CHRNA5: variants seen among roughly 807,000 people sequenced by gnomAD.
CHRNA5 encodes cholinergic receptor nicotinic alpha 5 subunit, also known as neuronal acetylcholine receptor subunit alpha-5.
CHRNA5 carries 28 observed loss-of-function variants against 41.2 expected under a neutral mutation model. That is an observed-to-expected ratio of 0.68 (90% confidence interval 0.50 to 0.93). CHRNA5 has a LOEUF of 0.93. CHRNA5 is among the 40% of genes least tolerant of loss of function. The probability of loss-of-function intolerance (pLI) is 0.00; values close to 1 mark genes in which losing one functional copy is unlikely to be tolerated. For synonymous variants in CHRNA5, 188 were observed against 205.8 expected (o/e 0.91, Z 0.74); for missense variants, 481 against 581.9 (o/e 0.83, Z 1.78).
intron 2 of CHRNA5, among the ~76,000 whole-genome samples, chr15:78,582,187 T>TG (rs1282739757): frequency 6.6e-6 from 1 of 151,948 alleles, no homozygotes; most frequent in Non-Finnish European, 1.5e-5. Context: ...AATAGGAAAG[T>TG]GGAAAAGTAA....
chr15:78,578,947 G>A (rs937628691), intron 1 of CHRNA5, among the ~76,000 whole-genome samples: 4 of 152,058 alleles, frequency 2.6e-5, no homozygotes, highest in South Asian at 2.1e-4. Flanking sequence ...CTTCAGAGAT[G>A]CTTATTTGAG....
At chr15:78,570,424 ATTTTTTTTTTT>A (rs71148540) in intron 1 of CHRNA5, among the ~76,000 whole-genome samples, 1 of 64,184 alleles carries the variant, frequency 1.6e-5, no homozygotes, top group African/African-American at 6.7e-5. Context: ...AATCCCGGCT[ATTTTTTTTTTT>A]TTTTTTTTTT....
chr15:78,585,907 C>G (rs1233849392), intron 2 of CHRNA5, among the ~76,000 whole-genome samples: 1 of 150,702 alleles, frequency 6.6e-6, no homozygotes, highest in Non-Finnish European at 1.5e-5. Flanking sequence ...GCCTCCGCCT[C>G]CTGAATAGCT....
intron 1 of CHRNA5, among the ~76,000 whole-genome samples, chr15:78,575,604 A>G (rs1049377501): frequency 3.3e-5 from 5 of 151,850 alleles, no homozygotes; most frequent in African/African-American, 1.2e-4. Flanking sequence ...GCAAAGTTCC[A>G]TTGCCTGGGA....
At chr15:78,575,983 G>A (rs1204876102) in intron 1 of CHRNA5, among the ~76,000 whole-genome samples, 2 of 152,062 alleles carry the variant, frequency 1.3e-5, no homozygotes, top group African/African-American at 4.8e-5. Flanking sequence ...TTAAAAATTG[G>A]ATTATTGAAT....
chr15:78,583,984 T>C (rs570677167), intron 2 of CHRNA5, among the ~76,000 whole-genome samples: 1 of 152,296 alleles, frequency 6.6e-6, no homozygotes, highest in South Asian at 2.1e-4. Flanking sequence ...AGCAGGAACC[T>C]GATCCTTGAG....
chr15:78,572,148 T>G (rs1461341337), intron 1 of CHRNA5, among the ~76,000 whole-genome samples: 1 of 152,198 alleles, frequency 6.6e-6, no homozygotes, highest in Non-Finnish European at 1.5e-5. Context: ...TATTTCCTTC[T>G]TATGGCAGCC....
intron 1 of CHRNA5, among the ~76,000 whole-genome samples, chr15:78,567,634 A>G (rs1183759259): frequency 2.0e-5 from 3 of 152,066 alleles, no homozygotes; most frequent in Non-Finnish European, 2.9e-5. Flanking sequence ...AAGAACTGTG[A>G]TTCTTGTTTA....
At chr15:78,575,307 T>C (rs953941106) in intron 1 of CHRNA5, among the ~76,000 whole-genome samples, 2 of 152,226 alleles carry the variant, frequency 1.3e-5, no homozygotes, top group Non-Finnish European at 2.9e-5. Flanking sequence ...ATTTATACCT[T>C]TGTTAGGTAT....
exon 6 of CHRNA5, chr15:78,593,507 T>C (rs2053045897): frequency 3.8e-6 from 1 of 266,162 alleles, no homozygotes; most frequent in Non-Finnish European, 7.0e-6. Context: ...AAAAATCTAG[T>C]ATTTGTATCC....
exon 6 of CHRNA5, chr15:78,594,135 G>C (rs1459679892): frequency 1.3e-5 from 2 of 152,146 alleles, no homozygotes; most frequent in Non-Finnish European, 2.9e-5. Flanking sequence ...ACTCCTTTAA[G>C]GCTTACTTTA....
intron 1 of CHRNA5, among the ~76,000 whole-genome samples, chr15:78,580,451 G>A (rs1055760904): frequency 6.7e-6 from 1 of 149,760 alleles, no homozygotes; most frequent in African/African-American, 2.5e-5. Context: ...AAACTATTCT[G>A]TATTGAGTAC....
exon 5 of CHRNA5, chr15:78,590,053 T>A (rs1567062553): frequency 6.2e-7 from 1 of 1,614,224 alleles, no homozygotes; most frequent in Admixed American, 1.7e-5. Flanking sequence ...TGGGAGATTG[T>A]GAGTGCAACA....
intron 1 of CHRNA5, among the ~76,000 whole-genome samples, chr15:78,567,383 C>T (rs916739877): frequency 2.0e-5 from 3 of 152,104 alleles, no homozygotes; most frequent in African/African-American, 7.2e-5. Context: ...AATGGTAGTT[C>T]TCTACCCCTT....
In CHRNA5 at chr15:78,588,467, C is replaced by G; in HGVS notation, c.413+44C>G. ...ATAGTTTTATATTTTCAAAAGAAAA[C>G]ATTTGTATTTCTATTAGGCACTAAT... On this transcript the variant is annotated intron_variant, in intron 4 of 5. Coordinates refer to ENST00000299565, the Ensembl canonical transcript of CHRNA5. The surrounding 1 kb of genome is among the most constrained non-coding windows in gnomAD (Gnocchi z 4.1). 3 of 974,900 alleles carry G rather than the reference C, an allele frequency of 3.1e-6. No homozygotes were observed. The highest frequency in any genetic ancestry group is 4.4e-6 in the Non-Finnish European group (3 of 684,572). 60.4% of individuals were successfully genotyped at this position (974,900 alleles called of 1,614,324 possible).
chr15:78,591,184 A>C (rs942270401), intron 5 of CHRNA5: 1 of 152,736 alleles, frequency 6.5e-6, no homozygotes, highest in African/African-American at 2.4e-5. Context: ...CAGCCTGGTC[A>C]ACATGGTGAA....
chr15:78,580,916 A>G, exon 2 of CHRNA5: 1 of 1,614,112 alleles, frequency 6.2e-7, no homozygotes, highest in Non-Finnish European at 8.5e-7. Context: ...CTGAATGACA[A>G]AATAAAAATA....
At position 78,577,837 on chromosome 15, in the gene CHRNA5, G is replaced by A. The variant is rs550937844; in HGVS notation, c.107-2974G>A. On this transcript the variant is annotated intron_variant, in intron 1 of 5. Transcript: ENST00000299565. ...TCCCAGTTACTCAGGAGGCTGAGGTGGGAGGATCGCTTGAGTCCAGGAGGT... is the reference window on the plus strand; with the variant it reads ...TCCCAGTTACTCAGGAGGCTGAGGTAGGAGGATCGCTTGAGTCCAGGAGGT... 7.2e-4 allele frequency among the ~76,000 whole-genome samples: 110 copies of A among 151,814 alleles called. 2 individuals are homozygous for A. Among genetic ancestry groups the A allele is most frequent in the Admixed American group, 4.4e-3 (67 of 15,232 alleles).
intron 2 of CHRNA5, 111 bp downstream of exon 2, chr15:78,581,073 C>A: frequency 9.1e-7 from 1 of 1,101,940 alleles, no homozygotes; most frequent in Non-Finnish European, 1.3e-6. Context: ...TTGAAGCAGT[C>A]CTTTGCCTGA....
Sources: allele counts gnomAD v4.1 joint callset (sites outside exome capture counted in the v4.1 genomes callset), GRCh38; gene constraint gnomAD v4.1.1; non-coding constraint Gnocchi (gnomAD v3.1); transcripts MANE v1.5; gene names NCBI Gene and HGNC (gene_info 2026-07-23, HGNC 2026-07-21).